Variants in DTNBP1 observed in about 807,000 individuals in gnomAD.
DTNBP1 encodes dystrobrevin binding protein 1.
A neutral mutation model predicts 42.8 loss-of-function variants in DTNBP1; 35 were observed. The ratio of observed to expected loss-of-function variants is 0.82; its 90% confidence interval spans 0.63 to 1.09. The LOEUF is 1.09. DTNBP1 is among the 50% of genes least tolerant of loss of function. DTNBP1 has a pLI of 0.00. For synonymous variants in DTNBP1, 171 were observed against 162.2 expected (o/e 1.05, Z -0.41); for missense variants, 457 against 424.2 (o/e 1.08, Z -0.68).
intron 7 of DTNBP1, among the ~76,000 whole-genome samples, chr6:15,574,173 AAT>A (rs1415602414): frequency 2.0e-5 from 3 of 152,202 alleles, no homozygotes; most frequent in African/African-American, 7.2e-5. Context: ...ACAAGGAGAA[AAT>A]GCAGAGGCTC....
chr6:15,533,139 T>G lies in DTNBP1; in HGVS notation c.667+101A>C, dbSNP rs186662424. Reference sequence around the variant, plus strand: ...CTGGGGTCTCATAACAGAACGGAACTTCTGAGGATTCTGCCCCATGCCCTG... The same window carrying G: ...CTGGGGTCTCATAACAGAACGGAACGTCTGAGGATTCTGCCCCATGCCCTG... On this transcript the variant is annotated intron_variant, in intron 8 of 9. Coordinates refer to ENST00000344537, the MANE Select transcript of DTNBP1 (RefSeq NM_032122.5). 80 of 1,565,502 alleles carry G rather than the reference T, an allele frequency of 5.1e-5. No homozygotes were observed. In the African/African-American group the frequency reaches 9.9e-4, roughly 19 times the overall value.
At chr6:15,646,977 C>G (rs538886469) in intron 3 of DTNBP1, among the ~76,000 whole-genome samples, 1 of 151,972 alleles carries the variant, frequency 6.6e-6, no homozygotes, top group African/African-American at 2.4e-5. Context: ...ATGACTAAGA[C>G]ATCAAAAACA....
At chr6:15,620,563 A>T (rs1157182472) in intron 5 of DTNBP1, among the ~76,000 whole-genome samples, 1 of 152,246 alleles carries the variant, frequency 6.6e-6, no homozygotes, top group Non-Finnish European at 1.5e-5. Context: ...CTAGTACTAA[A>T]GAAGCAATAT....
intron 9 of DTNBP1, chr6:15,524,311 A>AT (rs1369559535): frequency 1.2e-6 from 2 of 1,611,048 alleles, no homozygotes; most frequent in Non-Finnish European, 8.5e-7. Context: ...GGAGTGGAGC[A>AT]TGTCAAATCT....
rs1758525108 is a variant in DTNBP1 at position 15,613,322 on chromosome 6, A to AGAAAAAG, written c.488+1944_488+1945insCTTTTTC. Reference sequence around the variant, plus strand: ...CCATCTCAAAAAAAAAAAAAAAAAAAAAAAAAAAAATGCCCCTTTTTTGAC... The same window carrying AGAAAAAG: ...CCATCTCAAAAAAAAAAAAAAAAAAAGAAAAAGAAAAAAAAAATGCCCCTTTTTTGAC... On this transcript the variant is annotated intron_variant, in intron 6 of 9. Transcript: ENST00000344537. Among the ~76,000 whole-genome samples the AGAAAAAG allele has an allele frequency of 1.5e-5, 2 of 134,730 alleles. 1 individual carries two copies. Among genetic ancestry groups the AGAAAAAG allele is most frequent in the Non-Finnish European group, 3.2e-5 (2 of 62,204 alleles). The allele number at this position is 134,730 out of a possible 152,430, so 88.4% of individuals were successfully genotyped here.
At chr6:15,546,441 C>T (rs1227249316) in intron 7 of DTNBP1, among the ~76,000 whole-genome samples, 2 of 152,038 alleles carry the variant, frequency 1.3e-5, no homozygotes, top group African/African-American at 4.8e-5. Flanking sequence ...ATCCCAAAGC[C>T]TATCTTGTTT....
chr6:15,649,910 T>C (rs545743623), intron 3 of DTNBP1, among the ~76,000 whole-genome samples: 6 of 152,330 alleles, frequency 3.9e-5, no homozygotes, highest in African/African-American at 1.2e-4. Flanking sequence ...ACTAAGTTTC[T>C]AGAGAAAAAA....
chr6:15,569,353 A>AGGGGGGGGGCCC, intron 7 of DTNBP1, among the ~76,000 whole-genome samples: 1 of 127,244 alleles, frequency 7.9e-6, no homozygotes, highest in East Asian at 2.5e-4. Context: ...GCCAGTTAAG[A>AGGGGGGGGGCCC]CCCCCCCCCG....
chr6:15,636,993 A>G (rs1760068248), intron 4 of DTNBP1, among the ~76,000 whole-genome samples: 1 of 152,130 alleles, frequency 6.6e-6, no homozygotes, highest in South Asian at 2.1e-4. Context: ...AGAAACCTAC[A>G]TTTTCTTCTT....
chr6:15,523,405 T>A (rs1203359738), intron 9 of DTNBP1, among the ~76,000 whole-genome samples, 186 bp from the exon 10 acceptor site: 2 of 152,144 alleles, frequency 1.3e-5, no homozygotes, highest in African/African-American at 4.8e-5. Context: ...AGAGGCAGCC[T>A]CAGGCCCTGC....
intron 7 of DTNBP1, among the ~76,000 whole-genome samples, chr6:15,533,990 C>T (rs1382960287): frequency 6.6e-6 from 1 of 152,186 alleles, no homozygotes; most frequent in African/African-American, 2.4e-5. Context: ...TTCTGACACA[C>T]GCTGTAACTT....
chr6:15,638,978 A>G (rs1284443628), intron 3 of DTNBP1, among the ~76,000 whole-genome samples: 5 of 152,094 alleles, frequency 3.3e-5, no homozygotes, highest in East Asian at 3.9e-4. Context: ...AATTACAGAC[A>G]TGAGCCACGA....
intron 8 of DTNBP1, among the ~76,000 whole-genome samples, chr6:15,529,769 G>A (rs1180941885): frequency 1.3e-5 from 2 of 152,240 alleles, no homozygotes; most frequent in African/African-American, 4.8e-5. Flanking sequence ...TAAAATCAAA[G>A]CAATAAAAAT....
chr6:15,577,557 C>A (rs1447168411), intron 7 of DTNBP1, among the ~76,000 whole-genome samples: 1 of 152,178 alleles, frequency 6.6e-6, no homozygotes, highest in African/African-American at 2.4e-5. Context: ...TAGCCTAAGC[C>A]TGGGGATGAA....
At position 15,651,344 on chromosome 6, in the gene DTNBP1, T is replaced by A; in HGVS notation, c.130A>T (p.Lys44Ter). 1 of 1,611,960 alleles carries A rather than the reference T, an allele frequency of 6.2e-7. No homozygotes were observed. The highest frequency in any genetic ancestry group is 1.1e-5 in the South Asian group (1 of 90,970). The change falls in exon 3 of 10, where the codon AAG (lysine) becomes TAG (stop). Residue 44 changes from lysine to a stop codon, truncating the protein, a stop_gained. Coordinates refer to ENST00000344537, the MANE Select transcript of DTNBP1 (RefSeq NM_032122.5). LOFTEE classifies it high-confidence loss of function. ...SKPRTVPFLP[K>*]YSAGLELLSR... ...AGTAATTCTAATCCAGCAGAGTACT[T>A]TGGCAAAAATGGAACAGTCCTGCCC...
rs779359505 is a variant in DTNBP1, at chr6:15,523,200, A to AC, written c.830dup (p.Cys277TrpfsTer4). 10 of 1,614,198 alleles carry AC rather than the reference A, an allele frequency of 6.2e-6. No individual in the cohort carries two copies. In the East Asian group the frequency reaches 2.2e-4, roughly 36 times the overall value. ...GAACCTGGAGGGTAATCTCATTCTG[A>AC]CAGGTACTGGATTCAGGCCCTGCAA... On this transcript the variant is annotated frameshift_variant, in exon 10 of 10. Coordinates refer to ENST00000344537, the MANE Select transcript of DTNBP1 (RefSeq NM_032122.5). LOFTEE classifies it low-confidence loss of function (END_TRUNC).
chr6:15,602,684 T>C (rs917661888), intron 6 of DTNBP1, among the ~76,000 whole-genome samples: 2 of 152,138 alleles, frequency 1.3e-5, no homozygotes, highest in African/African-American at 4.8e-5. Flanking sequence ...CAATCTAACT[T>C]TGGAAAAAAG....
At chr6:15,557,600 T>C (rs904534749) in intron 7 of DTNBP1, among the ~76,000 whole-genome samples, 3 of 152,180 alleles carry the variant, frequency 2.0e-5, no homozygotes, top group East Asian at 1.9e-4. Context: ...TTAACATTCA[T>C]AGTACACAAA....
chr6:15,523,385 G>C (rs1205368569), intron 9 of DTNBP1, among the ~76,000 whole-genome samples, 166 bp from the exon 10 acceptor site: 9 of 152,140 alleles, frequency 5.9e-5, no homozygotes, highest in Non-Finnish European at 1.3e-4. Flanking sequence ...ACACTGAGCT[G>C]AGCGATGCCA....
Sources: gnomAD v4.1 joint callset for allele counts (sites outside exome capture counted in the v4.1 genomes callset) on GRCh38, gnomAD v4.1.1 for gene constraint, MANE v1.5 for transcripts, NCBI Gene and HGNC (gene_info 2026-07-23, HGNC 2026-07-21) for gene names.